ANKRD26: variants seen among roughly 807,000 people sequenced by gnomAD.
ANKRD26 encodes the protein ankyrin repeat domain-containing protein 26.
A neutral mutation model predicts 208.7 loss-of-function variants in ANKRD26; 141 were observed. That is an observed-to-expected ratio of 0.68 (90% confidence interval 0.59 to 0.78). ANKRD26 has a LOEUF of 0.78. Ranked by LOEUF, ANKRD26 falls within the 30% of genes least tolerant of loss-of-function variation. ANKRD26 has a pLI of 0.00. For synonymous variants in ANKRD26, 636 were observed against 660.4 expected, an observed-to-expected ratio of 0.96 and a Z score of 0.57; for missense variants, 1,889 against 1,938.7, an observed-to-expected ratio of 0.97 and a Z score of 0.48.
At chr10:26,948,021 G>A in the ANKRD26 span, among the ~76,000 whole-genome samples, 3 of 152,044 alleles carry the variant, frequency 2.0e-5, no homozygotes, top group Admixed American at 1.3e-4. Context: ...GGCTCACTGC[G>A]TCCTCCACAT....
chr10:27,086,796 G>A, intron 4 of ANKRD26, among the ~76,000 whole-genome samples, 187 bp from the exon 5 acceptor site: 1 of 107,568 alleles, frequency 9.3e-6, no homozygotes, highest in Admixed American at 1.3e-4. Flanking sequence ...TTTTGAGACA[G>A]AGTCTTACTC....
At position 27,005,622 on chromosome 10, in the gene ANKRD26, CAT is replaced by C. The variant is rs764263085; in HGVS notation, c.5099_5100del (p.Tyr1700CysfsTer31). On this transcript the variant is annotated frameshift_variant, in exon 34 of 34. Transcript: ENST00000376087. LOFTEE classifies it high-confidence loss of function. ...QDLVWKASRE[Y>X]VQVLKKNYMI The stretch of plus-strand genomic sequence containing the variant: ...ATATAATTTTTCTTTAAAACCTGTA[CAT>C]ATTCTCTTGATGCTTTCCAAACTAG... The C allele has an allele frequency of 7.6e-5, 122 of 1,612,642 alleles. No homozygotes were observed. The highest frequency in any genetic ancestry group is 9.6e-5 in the Non-Finnish European group (113 of 1,179,288).
At chr10:27,080,095 T>C (rs1172610304) in intron 6 of ANKRD26, 5 of 391,592 alleles carry the variant, frequency 1.3e-5, no homozygotes, top group Non-Finnish European at 2.6e-5. Context: ...AAGCAGAGAT[T>C]GCAGTGAGCT....
chr10:27,050,709 C>T (rs1418663547), intron 16 of ANKRD26, among the ~76,000 whole-genome samples: 1 of 152,194 alleles, frequency 6.6e-6, no homozygotes, highest in Non-Finnish European at 1.5e-5. Flanking sequence ...AGAAATTCAT[C>T]TTTAAGAAAA....
chr10:27,043,516 A>T lies in ANKRD26; in HGVS notation c.2071T>A (p.Ser691Thr). ...MDDVDDLTQS[S>T]ETASEDCELP... ...TCACAATCCTCTGAGGCTGTTTCAG[A>T]TGACTGAGTTAAGTCATCAACATCA... is the stretch of plus-strand genomic sequence containing the variant. Residue 691 changes from serine to threonine, a missense_variant, in exon 20 of 34, where the codon TCT becomes ACT. Physicochemically the swap from Ser to Thr is moderately conservative, Grantham distance 58 (BLOSUM62 1). Coordinates refer to ENST00000376087, the MANE Select transcript of ANKRD26 (RefSeq NM_014915.3). 6.2e-7 allele frequency: 1 copy of T among 1,613,946 alleles called. No individual in the cohort carries two copies. The highest frequency in any genetic ancestry group is 8.5e-7 in the Non-Finnish European group (1 of 1,179,878).
At chr10:26,988,641 C>G (rs1283175937), downstream of ANKRD26, among the ~76,000 whole-genome samples, 1 of 151,792 alleles carries the variant, frequency 6.6e-6, no homozygotes, top group African/African-American at 2.4e-5. Context: ...AAAGAAGGCA[C>G]TGCAGATGCA....
chr10:27,086,609 G>C lies in ANKRD26; in HGVS notation c.639C>G (p.Ser213Arg), dbSNP rs1419352904. The C allele has an allele frequency of 6.2e-7, 1 of 1,601,210 alleles. No homozygotes were observed. The highest frequency in any genetic ancestry group is 1.3e-5 in the African/African-American group (1 of 74,654). The change falls in exon 5 of 34, where the codon AGC becomes AGG. Residue 213 changes from serine to arginine, a missense_variant and splice_region_variant. Ser to Arg is a moderately radical substitution (Grantham distance 110, BLOSUM62 -1). This residue lies in a region of ANKRD26 where 1,272 missense variants were observed against 1,273.8 expected (regional missense o/e 1.00). Transcript: ENST00000376087. ...ANVNAVDKLESSHQLISEYKE... is the reference protein window; with the variant it reads ...ANVNAVDKLERSHQLISEYKE... ...TATATTCTGAAATTAGTTGGTGACT[G>C]CTATGTATAGAAAAATGTAACAAAA...
chr10:27,092,294 T>C (rs1309365496), intron 4 of ANKRD26, 112 bp downstream of exon 4: 8 of 732,312 alleles, frequency 1.1e-5, no homozygotes, highest in South Asian at 6.4e-5. Flanking sequence ...CGAATCACTG[T>C]TGCCCCTCAA....
chr10:26,983,592 G>A lies in ANKRD26; in HGVS notation c.490-779C>T, dbSNP rs374748810. 6.0e-4 allele frequency among the ~76,000 whole-genome samples: 92 copies of A among 152,142 alleles called. 1 individual carries two copies. The highest frequency in any genetic ancestry group is 1.2e-3 in the Non-Finnish European group (81 of 68,012). On this transcript the variant is annotated intron_variant and NMD_transcript_variant, in intron 3 of 5. Transcript: ENST00000674670. ...TGGTTTCTTGGTTCCCAGCATAAAG[G>A]AGCATTTTTAGCTGAGTTGGCCAAA...
chr10:27,086,615 T>G lies in ANKRD26; in HGVS notation c.639-6A>C. 1 of 1,599,702 alleles carries G rather than the reference T, an allele frequency of 6.3e-7. No individual in the cohort carries two copies. The highest frequency in any genetic ancestry group is 8.5e-7 in the Non-Finnish European group (1 of 1,172,498). Reference sequence around the variant, plus strand: ...CTGAAATTAGTTGGTGACTGCTATGTATAGAAAAATGTAACAAAATTATGT... The same window carrying G: ...CTGAAATTAGTTGGTGACTGCTATGGATAGAAAAATGTAACAAAATTATGT... On this transcript the variant is annotated splice_region_variant and splice_polypyrimidine_tract_variant and intron_variant, in intron 4 of 33. Transcript: ENST00000376087.
chr10:27,037,272 C>A lies in ANKRD26; in HGVS notation c.2611G>T (p.Ala871Ser), dbSNP rs760688193. The change falls in exon 23 of 34, where the codon GCC becomes TCC. Residue 871 changes from alanine to serine, a missense_variant. Physicochemically the swap from Ala to Ser is moderately conservative, Grantham distance 99 (BLOSUM62 1). This residue lies in a region of ANKRD26 where 1,272 missense variants were observed against 1,273.8 expected (regional missense o/e 1.00). Transcript: ENST00000376087. ...AQRQLSREQNARMLQDGILTN... is the reference protein window; with the variant it reads ...AQRQLSREQNSRMLQDGILTN... Reference sequence around the variant, plus strand: ...AGAATTCCATCTTGTAACATTCTGGCATTCTGTTCTCGAGAAAGTTGCCTC... The same window carrying A: ...AGAATTCCATCTTGTAACATTCTGGAATTCTGTTCTCGAGAAAGTTGCCTC... 1 of 1,613,886 alleles carries A rather than the reference C, an allele frequency of 6.2e-7. No homozygotes were observed. Among genetic ancestry groups the A allele is most frequent in the Non-Finnish European group, 8.5e-7 (1 of 1,179,846 alleles).
chr10:27,050,376 G>C lies in ANKRD26; in HGVS notation c.1636-1397C>G, dbSNP rs187521507. ...TGGCTGAGGATTTATGCTACTGATA[G>C]GGTATACATGCCCAAACTTATCATA... On this transcript the variant is annotated intron_variant, in intron 16 of 33. Transcript: ENST00000376087. Among the ~76,000 whole-genome samples the C allele has an allele frequency of 1.8e-4, 27 of 152,178 alleles. No homozygotes were observed. The East Asian group carries it at 5.0e-3, about 28-fold the overall frequency.
downstream of ANKRD26, among the ~76,000 whole-genome samples, chr10:26,973,292 T>C (rs1280702505): frequency 6.6e-6 from 1 of 152,174 alleles, no homozygotes; most frequent in African/African-American, 2.4e-5. Context: ...TCATTAGGTA[T>C]ATATAAGTTT....
intron 20 of ANKRD26, among the ~76,000 whole-genome samples, chr10:27,042,701 G>C (rs542574231): frequency 2.0e-5 from 3 of 151,088 alleles, no homozygotes; most frequent in Admixed American, 2.0e-4. Flanking sequence ...TGCAGTGAGC[G>C]GAGATCGCGC....
Position 27,082,783 on chromosome 10 carries a change from A to G in ANKRD26, c.740+20T>C, listed in dbSNP as rs760362996. The stretch of plus-strand genomic sequence containing the variant: ...TCTGTATTCCTTTAAATATATTTTT[A>G]AAAATCTGTAAAATACTACCTGCTT... On this transcript the variant is annotated intron_variant, in intron 6 of 33. Coordinates refer to ENST00000376087, the MANE Select transcript of ANKRD26 (RefSeq NM_014915.3). 2.6e-5 allele frequency: 41 copies of G among 1,568,900 alleles called. No individual in the cohort carries two copies. In the East Asian group the frequency reaches 8.5e-4, roughly 32 times the overall value.
intron 20 of ANKRD26, among the ~76,000 whole-genome samples, chr10:27,041,708 T>C (rs114110604): frequency 0.011 from 1,612 of 152,000 alleles, 31 homozygotes; most frequent in African/African-American, 0.037. Flanking sequence ...AAAAGATTCA[T>C]AACTTTGAGA....
At chr10:26,950,458 A>G in the ANKRD26 span, among the ~76,000 whole-genome samples, 4 of 152,322 alleles carry the variant, frequency 2.6e-5, no homozygotes, top group Admixed American at 2.6e-4. Flanking sequence ...GTTGAGGTGT[A>G]ATCCCCAATG....
At chr10:27,056,710 G>A (rs2135411975) in intron 15 of ANKRD26, among the ~76,000 whole-genome samples, 1 of 152,160 alleles carries the variant, frequency 6.6e-6, no homozygotes, top group South Asian at 2.1e-4. Flanking sequence ...CCGGGAGGCA[G>A]AGGTTGTAGT....
At chr10:26,987,361 C>T (rs2134648824), downstream of ANKRD26, among the ~76,000 whole-genome samples, 1 of 152,302 alleles carries the variant, frequency 6.6e-6, no homozygotes, top group South Asian at 2.1e-4. Flanking sequence ...AGCACACCAA[C>T]ATGGCACATG....
Sources: gnomAD v4.1 joint callset for allele counts (sites outside exome capture counted in the v4.1 genomes callset) on GRCh38, gnomAD v4.1.1 for gene constraint, gnomAD v4.1.1 regional missense constraint, MANE v1.5 for transcripts, NCBI Gene and HGNC (gene_info 2026-07-23, HGNC 2026-07-21) for gene names.